Variants in RGS7BP observed in about 807,000 individuals in gnomAD.
RGS7BP encodes the protein regulator of G protein signaling 7 binding protein.
RGS7BP carries 9 observed loss-of-function variants against 31.3 expected under a neutral mutation model. That is an observed-to-expected ratio of 0.29 (90% CI 0.17 to 0.50). RGS7BP has a LOEUF of 0.50. RGS7BP is among the 20% of genes least tolerant of loss of function. The pLI is 0.98. For synonymous variants in RGS7BP, 115 were observed against 120.1 expected (o/e 0.96, Z 0.28); for missense variants, 274 against 322.0 (o/e 0.85, Z 1.14).
intron 2 of RGS7BP, among the ~76,000 whole-genome samples, chr5:64,515,680 T>G (rs886174604): frequency 6.6e-6 from 1 of 150,762 alleles, no homozygotes; most frequent in Non-Finnish European, 1.5e-5. Flanking sequence ...TAAAACTTCA[T>G]GAAAAACATT....
At position 64,543,837 on chromosome 5, in the gene RGS7BP, G is replaced by C. The variant is rs561754121; in HGVS notation, c.333-31937G>C. On this transcript the variant is annotated intron_variant, in intron 2 of 5. Transcript: ENST00000334025. ...TCCCTATAAATAATGAAAAGAAAAG[G>C]GAAGGGCAGAGGCCATTAAACTGTA... 2.0e-5 allele frequency among the ~76,000 whole-genome samples: 3 copies of C among 152,344 alleles called. No individual in the cohort carries two copies. The South Asian group carries it at 6.2e-4, about 32-fold the overall frequency.
intron 2 of RGS7BP, among the ~76,000 whole-genome samples, chr5:64,540,815 G>T (rs1741508892): frequency 6.6e-6 from 1 of 151,976 alleles, no homozygotes; most frequent in African/African-American, 2.4e-5. Flanking sequence ...AAGGAGGGAG[G>T]GCTACAAAGA....
intron 3 of RGS7BP, among the ~76,000 whole-genome samples, chr5:64,587,169 A>G (rs1352541314): frequency 6.6e-6 from 1 of 152,160 alleles, no homozygotes; most frequent in Non-Finnish European, 1.5e-5. Context: ...ACTCCTGATC[A>G]GAGTCCATTG....
chr5:64,510,529 G>A (rs1328665633), intron 2 of RGS7BP, among the ~76,000 whole-genome samples: 1 of 152,196 alleles, frequency 6.6e-6, no homozygotes, highest in African/African-American at 2.4e-5. Context: ...TGGTTACCTA[G>A]GACTGGAGGC....
At chr5:64,518,536 AT>A (rs1372769080) in intron 2 of RGS7BP, among the ~76,000 whole-genome samples, 1 of 152,194 alleles carries the variant, frequency 6.6e-6, no homozygotes, top group African/African-American at 2.4e-5. Context: ...AGAAGGTAAC[AT>A]TTGAACTGAA....
rs367620074 is a variant in RGS7BP, at chr5:64,534,848, A to C, written c.332+26971A>C. Among the ~76,000 whole-genome samples, 10 of 152,318 alleles carry C rather than the reference A, an allele frequency of 6.6e-5. 1 individual carries two copies. In the East Asian group the frequency reaches 1.4e-3, roughly 21 times the overall value. On this transcript the variant is annotated intron_variant, in intron 2 of 5. Transcript: ENST00000334025. ...TAAAACTTTCGGACTGGATGAGTTC[A>C]TGTAGGGAGATGATGTAGATAGAAA... is the stretch of plus-strand genomic sequence containing the variant.
intron 3 of RGS7BP, among the ~76,000 whole-genome samples, chr5:64,581,733 C>A (rs1367907103): frequency 1.3e-5 from 2 of 152,190 alleles, no homozygotes; most frequent in Non-Finnish European, 2.9e-5. Context: ...ACAATATCTT[C>A]AATGGATTTT....
chr5:64,515,168 T>C (rs1397078028), intron 2 of RGS7BP, among the ~76,000 whole-genome samples: 3 of 152,212 alleles, frequency 2.0e-5, no homozygotes. Context: ...ACTTGGTATT[T>C]TAAAATCTAT....
At chr5:64,602,759 C>T (rs1187245249) in intron 5 of RGS7BP, among the ~76,000 whole-genome samples, 1 of 152,102 alleles carries the variant, frequency 6.6e-6, no homozygotes, top group Non-Finnish European at 1.5e-5. Flanking sequence ...TTAGTGCTCA[C>T]AATATAATAA....
At chr5:64,608,031 TC>T (rs1285779154) in intron 5 of RGS7BP, among the ~76,000 whole-genome samples, 4 of 152,008 alleles carry the variant, frequency 2.6e-5, no homozygotes, top group Non-Finnish European at 5.9e-5. Flanking sequence ...CAAGCTTCCA[TC>T]CCCTTTAAGG....
chr5:64,551,535 T>C (rs1741796851), intron 2 of RGS7BP, among the ~76,000 whole-genome samples: 1 of 151,854 alleles, frequency 6.6e-6, no homozygotes, highest in Non-Finnish European at 1.5e-5. Context: ...ATTGTGTGTC[T>C]TAAGGATTTT....
chr5:64,508,028 T>C, intron 2 of RGS7BP, 151 bp downstream of exon 2: 1 of 594,604 alleles, frequency 1.7e-6, no homozygotes, highest in Non-Finnish European at 2.9e-6. Context: ...ACACAAACTA[T>C]AGGCCAAACC....
intron 5 of RGS7BP, among the ~76,000 whole-genome samples, chr5:64,600,963 C>A (rs574701455): frequency 6.6e-6 from 1 of 152,320 alleles, no homozygotes; most frequent in Non-Finnish European, 1.5e-5. Flanking sequence ...GTTACATAGA[C>A]TGAGATAGAC....
chr5:64,540,912 G>A (rs1172281195), intron 2 of RGS7BP, among the ~76,000 whole-genome samples: 2 of 152,208 alleles, frequency 1.3e-5, no homozygotes, highest in Admixed American at 6.5e-5. Context: ...GCATTGAACA[G>A]AGTGACCCAG....
At chr5:64,577,314 C>A (rs1416461193) in intron 3 of RGS7BP, among the ~76,000 whole-genome samples, 2 of 151,886 alleles carry the variant, frequency 1.3e-5, no homozygotes, top group Non-Finnish European at 2.9e-5. Context: ...TGGTGGGGGG[C>A]GCCTGTAATC....
chr5:64,596,764 A>G (rs904378811), intron 4 of RGS7BP, among the ~76,000 whole-genome samples: 2 of 152,094 alleles, frequency 1.3e-5, no homozygotes, highest in Non-Finnish European at 2.9e-5. Flanking sequence ...TTCCTTTTCC[A>G]ATCAATTATT....
intron 3 of RGS7BP, among the ~76,000 whole-genome samples, chr5:64,589,337 C>A (rs956117742): frequency 6.6e-6 from 1 of 151,706 alleles, no homozygotes; most frequent in Non-Finnish European, 1.5e-5. Flanking sequence ...GAAAAGGATG[C>A]GTCTACAATG....
chr5:64,564,964 T>A (rs1401339161), intron 2 of RGS7BP, among the ~76,000 whole-genome samples: 1 of 152,096 alleles, frequency 6.6e-6, no homozygotes, highest in African/African-American at 2.4e-5. Flanking sequence ...TGTGAATTCA[T>A]GAACAAAAGA....
At chr5:64,579,327 C>T (rs1189660514) in intron 3 of RGS7BP, among the ~76,000 whole-genome samples, 2 of 151,864 alleles carry the variant, frequency 1.3e-5, no homozygotes, top group Admixed American at 6.6e-5. Context: ...GGGCGGATCA[C>T]GAGGTCAGGA....
Sources: allele counts gnomAD v4.1 joint callset (sites outside exome capture counted in the v4.1 genomes callset), GRCh38; gene constraint gnomAD v4.1.1; transcripts MANE v1.5; gene names NCBI Gene and HGNC (gene_info 2026-07-23, HGNC 2026-07-21).